Variants in MGAT5B observed in about 807,000 individuals in gnomAD.
MGAT5B encodes the protein N-acetylglucosaminyl-transferase Vb.
MGAT5B carries 54 observed loss-of-function variants against 95.1 expected under a neutral mutation model. The observed-to-expected ratio is 0.57, with a 90% confidence interval of 0.46 to 0.71. MGAT5B has a LOEUF of 0.71. Among genes scored for constraint, MGAT5B ranks in the 30% least tolerant of loss-of-function variants. MGAT5B has a pLI of 0.00. For synonymous variants in MGAT5B, 464 were observed against 451.0 expected (o/e 1.03, Z -0.36); for missense variants, 935 against 1,088.6 (o/e 0.86, Z 1.99).
chr17:76,946,663 CCTG>C (rs1188093645), intron 16 of MGAT5B, among the ~76,000 whole-genome samples: 1 of 152,260 alleles, frequency 6.6e-6, no homozygotes, highest in Non-Finnish European at 1.5e-5. Context: ...TCCGGGCACT[CCTG>C]CTGTCTGGGC....
intron 8 of MGAT5B, among the ~76,000 whole-genome samples, chr17:76,920,063 A>T (rs975360539): frequency 8.5e-5 from 13 of 152,100 alleles, no homozygotes; most frequent in African/African-American, 3.1e-4. Context: ...ACTCCTATTC[A>T]TCTGGCCTGG....
At chr17:76,872,092 C>T (rs1967031046) in intron 1 of MGAT5B, among the ~76,000 whole-genome samples, 1 of 151,626 alleles carries the variant, frequency 6.6e-6, no homozygotes, top group East Asian at 1.9e-4. Context: ...AGCACACACA[C>T]CTATATGACA....
rs1966942188 is a variant in MGAT5B, at chr17:76,869,959, T to TGCCCAGTGGACGCC, written c.68+863_68+876dup. Among the ~76,000 whole-genome samples, 1 of 152,084 alleles carries TGCCCAGTGGACGCC rather than the reference T, an allele frequency of 6.6e-6. No individual in the cohort carries two copies. Among genetic ancestry groups the TGCCCAGTGGACGCC allele is most frequent in the Non-Finnish European group, 1.5e-5 (1 of 67,970 alleles). On this transcript the variant is annotated intron_variant, in intron 1 of 17. Coordinates refer to ENST00000569840, the MANE Select transcript of MGAT5B (RefSeq NM_001199172.2). This position sits in a 1 kb window ranked among gnomAD's most constrained non-coding sequence, Gnocchi z 7.0. ...CCGCAGCGGGGTGGGGAGGGGGCGCTGCCCAGTGGACGCCCGGCGGGGCCC... is the reference window on the plus strand; with the variant it reads ...CCGCAGCGGGGTGGGGAGGGGGCGCTGCCCAGTGGACGCCGCCCAGTGGACGCCCGGCGGGGCCC...
chr17:76,946,685 A>G (rs573781870), intron 16 of MGAT5B, among the ~76,000 whole-genome samples: 6 of 152,376 alleles, frequency 3.9e-5, no homozygotes, highest in African/African-American at 1.2e-4. Context: ...GCCCAGCCTT[A>G]GAGCCCAACT....
At chr17:76,939,029 G>GTGTGTGTGT (rs1555600423) in intron 13 of MGAT5B, among the ~76,000 whole-genome samples, 9 of 128,190 alleles carry the variant, frequency 7.0e-5, no homozygotes, top group African/African-American at 1.9e-4. Context: ...GCATCTTGGG[G>GTGTGTGTGT]GTGTGTGTGT....
intron 2 of MGAT5B, among the ~76,000 whole-genome samples, chr17:76,876,684 C>T (rs1472817516): frequency 6.6e-6 from 1 of 152,154 alleles, no homozygotes; most frequent in Admixed American, 6.5e-5. Context: ...CTCCTCTGTG[C>T]CTGTTTATAC....
rs540335500 is a variant in MGAT5B at position 76,920,412 on chromosome 17, G to A, written c.1026-4554G>A. 4.6e-5 allele frequency among the ~76,000 whole-genome samples: 7 copies of A among 152,288 alleles called. No individual in the cohort carries two copies. In the East Asian group the frequency reaches 9.6e-4, roughly 21 times the overall value. Reference sequence around the variant, plus strand: ...CGGGCACCTTTGGTTGAAGGTTGTCGGGGGACGGCATTTTCAATTCATGTC... The same window carrying A: ...CGGGCACCTTTGGTTGAAGGTTGTCAGGGGACGGCATTTTCAATTCATGTC... On this transcript the variant is annotated intron_variant, in intron 8 of 17. Transcript: ENST00000569840.
chr17:76,911,271 G>A (rs989566292), intron 8 of MGAT5B, among the ~76,000 whole-genome samples: 13 of 152,218 alleles, frequency 8.5e-5, no homozygotes, highest in Admixed American at 2.6e-4. Flanking sequence ...ACAGTCTGGC[G>A]GTGGGGTTGG....
chr17:76,943,200 G>A (rs76411828), intron 15 of MGAT5B, among the ~76,000 whole-genome samples: 1 of 151,192 alleles, frequency 6.6e-6, no homozygotes, highest in African/African-American at 2.4e-5. Context: ...TTCCTGTTTG[G>A]TTTTTTTTTA....
chr17:76,946,298 C>A (rs768829955), intron 15 of MGAT5B, 78 bp from the exon 16 acceptor site: 3 of 1,273,842 alleles, frequency 2.4e-6, no homozygotes, highest in East Asian at 2.6e-5. Context: ...CAGACCTCCA[C>A]CCCCAATGCC....
intron 12 of MGAT5B, among the ~76,000 whole-genome samples, chr17:76,934,982 C>T (rs572011605): frequency 8.2e-4 from 125 of 152,262 alleles, no homozygotes; most frequent in Non-Finnish European, 1.5e-3. Flanking sequence ...GGAGCAGGAG[C>T]TGGGGACCCA....
Position 76,917,955 on chromosome 17 carries a change from G to A in MGAT5B, c.1026-7011G>A, listed in dbSNP as rs929567874. Among the ~76,000 whole-genome samples the A allele has an allele frequency of 6.6e-6, 1 of 152,160 alleles. No homozygotes were observed. The highest frequency in any genetic ancestry group is 2.4e-5 in the African/African-American group (1 of 41,444). On this transcript the variant is annotated intron_variant, in intron 8 of 17. Transcript: ENST00000569840. The surrounding 1 kb of genome is among the most constrained non-coding windows in gnomAD (Gnocchi z 6.1). ...GTCTGTAAGGAAGAGGACTGGGAAC[G>A]ACCGGAGGGCCGAGTTCCCGTTCCT...
At chr17:76,882,382 T>C in intron 3 of MGAT5B, 84 bp downstream of exon 3, 1 of 1,459,050 alleles carries the variant, frequency 6.9e-7, no homozygotes, top group Non-Finnish European at 9.2e-7. Flanking sequence ...CGTCATCTCC[T>C]TTTGTGAATC....
chr17:76,913,247 C>T (rs12601214), intron 8 of MGAT5B, among the ~76,000 whole-genome samples: 58,503 of 152,068 alleles, frequency 0.38, 12,134 homozygotes, highest in East Asian at 0.89. Context: ...CATCTGCTTC[C>T]TCCCGCACAA....
chr17:76,872,699 G>C, intron 1 of MGAT5B, 152 bp from the exon 2 acceptor site: 4 of 1,541,588 alleles, frequency 2.6e-6, no homozygotes, highest in Non-Finnish European at 3.5e-6. Flanking sequence ...GGGCCCTCCT[G>C]GGTCTGGAGC....
chr17:76,908,412 G>A (rs930790114), intron 8 of MGAT5B, among the ~76,000 whole-genome samples: 9 of 151,506 alleles, frequency 5.9e-5, no homozygotes, highest in African/African-American at 2.2e-4. Context: ...GATTACAGGT[G>A]TACGCTACTA....
intron 2 of MGAT5B, 150 bp from the exon 3 acceptor site, chr17:76,882,001 C>A: frequency 1.3e-6 from 1 of 767,846 alleles, no homozygotes; most frequent in Non-Finnish European, 2.0e-6. Context: ...GTCAGCAGTG[C>A]CTGGGAAGAT....
rs1598950305 is a variant in MGAT5B at position 76,912,433 on chromosome 17, C to T, written c.1025+6246C>T. 6.6e-6 allele frequency among the ~76,000 whole-genome samples: 1 copy of T among 152,278 alleles called. No individual in the cohort carries two copies. The highest frequency in any genetic ancestry group is 1.9e-4 in the East Asian group (1 of 5,182). On this transcript the variant is annotated intron_variant, in intron 8 of 17. Transcript: ENST00000569840. This position sits in a 1 kb window ranked among gnomAD's most constrained non-coding sequence, Gnocchi z 5.0. ...ATGGGATGTGAAGGTAATCTGAATT[C>T]TGAGTGTCTCAGCTTGGTTTCTGCG...
At chr17:76,926,995 A>G (rs959309059) in intron 10 of MGAT5B, among the ~76,000 whole-genome samples, 3 of 152,054 alleles carry the variant, frequency 2.0e-5, no homozygotes, top group East Asian at 1.9e-4. Context: ...TGTAGCCTTC[A>G]CCCTCCAGGA....
Sources: gnomAD v4.1 joint callset for allele counts (sites outside exome capture counted in the v4.1 genomes callset) on GRCh38, gnomAD v4.1.1 for gene constraint, Gnocchi (gnomAD v3.1) non-coding constraint, MANE v1.5 for transcripts, NCBI Gene and HGNC (gene_info 2026-07-23, HGNC 2026-07-21) for gene names.